Variants in LONRF2 observed in about 807,000 individuals in gnomAD.
LONRF2 encodes the protein LON peptidase N-terminal domain and RING finger protein 2.
LONRF2 carries 35 observed loss-of-function variants against 66.6 expected under a neutral mutation model. That is an observed-to-expected ratio of 0.53 (90% CI 0.40 to 0.70). The LOEUF is 0.70. Ranked by LOEUF, LONRF2 falls within the 30% of genes least tolerant of loss-of-function variation. The pLI, the probability that LONRF2 is intolerant of heterozygous loss-of-function variation, is 0.00. For missense variants in LONRF2, 902 were observed against 1,002.1 expected (o/e 0.90, Z 1.35); for synonymous variants, 417 against 418.1 (o/e 1.00, Z 0.03).
chr2:100,272,951 T>C lies in LONRF2; in HGVS notation c.*11347A>G, dbSNP rs1176273550. 6.6e-5 allele frequency among the ~76,000 whole-genome samples: 10 copies of C among 152,242 alleles called. No individual in the cohort carries two copies. The South Asian group carries it at 8.3e-4, about 13-fold the overall frequency. On this transcript the variant is annotated 3_prime_UTR_variant, in exon 12 of 12. Transcript: ENST00000393437. ...TTGAATACTGTTCCTCTAAAATTCA[T>C]GTCCACTAGAACCTGTGGATATAAC...
chr2:100,320,669 C>A (rs574545267), intron 1 of LONRF2, among the ~76,000 whole-genome samples: 11 of 152,260 alleles, frequency 7.2e-5, no homozygotes, highest in Admixed American at 6.5e-4. Context: ...CCTCACACTG[C>A]CCAAAACAAC....
chr2:100,309,107 C>T lies in LONRF2; in HGVS notation c.798G>A (p.Lys266=). The change falls in exon 2 of 12, where the codon AAG becomes AAA. Residue 266 remains lysine (K), a splice_region_variant and synonymous_variant. Transcript: ENST00000393437. ...CTCCAAAGCTAACAAATACAAATAC[C>T]TTAATCAAGAGAGGTTCATTCTGAC... ...AACQNEPLLI[K]GHQVKAQALS... 6.4e-7 allele frequency: 1 copy of T among 1,553,728 alleles called. No individual in the cohort carries two copies. The highest frequency in any genetic ancestry group is 8.7e-7 in the Non-Finnish European group (1 of 1,147,954).
chr2:100,321,342 C>T, intron 1 of LONRF2, 73 bp downstream of exon 1: 1 of 1,282,392 alleles, frequency 7.8e-7, no homozygotes, highest in Non-Finnish European at 1.0e-6. Flanking sequence ...CTCGGGCCCA[C>T]CGGCCAGCTC....
intron 1 of LONRF2, among the ~76,000 whole-genome samples, chr2:100,317,705 A>G (rs1675535724): frequency 6.6e-6 from 1 of 152,082 alleles, no homozygotes; most frequent in Non-Finnish European, 1.5e-5. Context: ...TGATTTTGTG[A>G]AAAATATTTT....
In LONRF2 at chr2:100,284,486, G is replaced by A. The variant is rs145836768; in HGVS notation, c.2077C>T (p.Pro693Ser). 1 of 1,579,772 alleles carries A rather than the reference G, an allele frequency of 6.3e-7. No homozygotes were observed. The highest frequency in any genetic ancestry group is 8.6e-7 in the Non-Finnish European group (1 of 1,163,338). The change falls in exon 12 of 12, where the codon CCC (proline) becomes TCC (serine). Residue 693 changes from proline (P) to serine (S), a missense_variant. By Grantham distance (74) the Pro-to-Ser change is moderately conservative (BLOSUM62 -1). Coordinates refer to ENST00000393437, the MANE Select transcript of LONRF2 (RefSeq NM_198461.4). ...PDREPEPQSNPSGPAWSWWIL... is the reference protein window; with the variant it reads ...PDREPEPQSNSSGPAWSWWIL... Reference sequence around the variant, plus strand: ...CACCAGGACCAGGCAGGGCCGCTGGGATTACTCTGCAAAAGAGATGAGGGG... The same window carrying A: ...CACCAGGACCAGGCAGGGCCGCTGGAATTACTCTGCAAAAGAGATGAGGGG...
chr2:100,321,518 C>T lies in LONRF2; in HGVS notation c.576G>A (p.Pro192=). The change falls in exon 1 of 12, where the codon CCG becomes CCA. Residue 192 remains proline, a synonymous_variant. Coordinates refer to ENST00000393437, the MANE Select transcript of LONRF2 (RefSeq NM_198461.4). ...VLSGLLEKCF[P]AECRLRRLAG... ...CCAGCCTGCGCAGCCGGCACTCGGC[C>T]GGGAAGCACTTCTCCAGCAGGCCGC... is the stretch of plus-strand genomic sequence containing the variant. 1 of 1,550,508 alleles carries T rather than the reference C, an allele frequency of 6.4e-7. No individual in the cohort carries two copies. The highest frequency in any genetic ancestry group is 8.6e-7 in the Non-Finnish European group (1 of 1,160,448).
rs761796001 is a variant in LONRF2 at position 100,290,430 on chromosome 2, C to A, written c.1758-10G>T. Reference sequence around the variant, plus strand: ...TCCATACTCTGAAAGCCTGAAAAGACAGTTAGGAGAAATGACTGTGATTTT... The same window carrying A: ...TCCATACTCTGAAAGCCTGAAAAGAAAGTTAGGAGAAATGACTGTGATTTT... On this transcript the variant is annotated splice_polypyrimidine_tract_variant and intron_variant, in intron 9 of 11. Transcript: ENST00000393437. 2.5e-6 allele frequency: 4 copies of A among 1,597,178 alleles called. No individual in the cohort carries two copies. The highest frequency in any genetic ancestry group is 3.4e-6 in the Non-Finnish European group (4 of 1,172,724).
At chr2:100,291,877 C>T (rs534517699) in intron 9 of LONRF2, among the ~76,000 whole-genome samples, 7 of 152,170 alleles carry the variant, frequency 4.6e-5, no homozygotes, top group Non-Finnish European at 1.0e-4. Context: ...CACGCTACCA[C>T]GTGCCAAGCA....
In LONRF2 at chr2:100,309,187, A is replaced by T. The variant is rs1275953537; in HGVS notation, c.718T>A (p.Leu240Ile). The change falls in exon 2 of 12, where the codon TTA (leucine) becomes ATA (isoleucine). Residue 240 changes from leucine to isoleucine, a missense_variant. By Grantham distance (5) the Leu-to-Ile change is conservative (BLOSUM62 2). Transcript: ENST00000393437. ...DNSLLLLRAE[L>I]YLTMKNYEQA... ...TCATAGTTCTTCATGGTCAAATATA[A>T]CTCCGCCCGCAGCAGCAATAATGAA... 1.9e-6 allele frequency: 3 copies of T among 1,609,078 alleles called. No homozygotes were observed. The East Asian group carries it at 6.7e-5, about 36-fold the overall frequency.
chr2:100,274,160 A>T lies in LONRF2; in HGVS notation c.*10138T>A, dbSNP rs183771811. ...GCGCCAACCAGCCGAGACTCATGAC[A>T]GTAAACTTCCTCAGGGTTCTCTATT... On this transcript the variant is annotated 3_prime_UTR_variant, in exon 12 of 12. Transcript: ENST00000393437. 6.6e-5 allele frequency: 10 copies of T among 152,294 alleles called. No homozygotes were observed. Among genetic ancestry groups the T allele is most frequent in the Admixed American group, 6.5e-4 (10 of 15,298 alleles). 9.4% of individuals were successfully genotyped at this position (152,294 alleles called of 1,614,324 possible). A position where few individuals can be genotyped will look rare whatever the true frequency, so the allele number is the denominator to read the frequency against.
In LONRF2 at chr2:100,274,508, C is replaced by T. The variant is rs529344736; in HGVS notation, c.*9790G>A. ...TTTCACATCTTGGGGACCTCACTGA[C>T]TGGGGAGAGACTGCCCTTCCCAGGG... On this transcript the variant is annotated 3_prime_UTR_variant, in exon 12 of 12. Transcript: ENST00000393437. The T allele has an allele frequency of 6.6e-6, 1 of 152,384 alleles. No homozygotes were observed. The highest frequency in any genetic ancestry group is 1.9e-4 in the East Asian group (1 of 5,186). 9.4% of individuals were successfully genotyped at this position (152,384 alleles called of 1,614,324 possible).
rs1430757882 is a variant in LONRF2, at chr2:100,276,010, C to T, written c.*8288G>A. 1 of 152,108 alleles carries T rather than the reference C, an allele frequency of 6.6e-6. No homozygotes were observed. Among genetic ancestry groups the T allele is most frequent in the African/African-American group, 2.4e-5 (1 of 41,386 alleles). The allele number at this position is 152,108 out of a possible 1,614,324, so 9.4% of individuals were successfully genotyped here. ...AATTGTACATGTATATGTACATATG[C>T]AGCTAAACGGAAGGTCCCTAATCTG... On this transcript the variant is annotated 3_prime_UTR_variant, in exon 12 of 12. Transcript: ENST00000393437.
chr2:100,287,116 A>G, intron 10 of LONRF2, 53 bp from the exon 11 acceptor site: 2 of 1,551,106 alleles, frequency 1.3e-6, no homozygotes, highest in Non-Finnish European at 1.7e-6. Context: ...AATGCACGTA[A>G]CACAGTCAGC....
chr2:100,305,025 C>T (rs1271913186), intron 2 of LONRF2, among the ~76,000 whole-genome samples: 8 of 152,050 alleles, frequency 5.3e-5, no homozygotes, highest in African/African-American at 1.2e-4. Context: ...TCATCCACTC[C>T]GGGATTTCTC....
rs1247780867 is a variant in LONRF2, at chr2:100,276,512, A to G, written c.*7786T>C. On this transcript the variant is annotated 3_prime_UTR_variant, in exon 12 of 12. Coordinates refer to ENST00000393437, the MANE Select transcript of LONRF2 (RefSeq NM_198461.4). The stretch of plus-strand genomic sequence containing the variant: ...AGTTATAAACTAGCTTGATAAAATG[A>G]TGCCCCATGGACCTCCAGTTAAAAC... The G allele has an allele frequency of 2.6e-5, 4 of 152,182 alleles. No individual in the cohort carries two copies. The highest frequency in any genetic ancestry group is 6.5e-5 in the Admixed American group (1 of 15,276). 9.4% of individuals were successfully genotyped at this position (152,182 alleles called of 1,614,324 possible).
chr2:100,300,176 TAC>T (rs1208629056), intron 4 of LONRF2, among the ~76,000 whole-genome samples: 4 of 150,010 alleles, frequency 2.7e-5, no homozygotes, highest in African/African-American at 5.0e-5. Flanking sequence ...TCTATCTATC[TAC>T]ACACACACAC....
chr2:100,289,831 C>T (rs1559175644), intron 10 of LONRF2, among the ~76,000 whole-genome samples: 1 of 152,246 alleles, frequency 6.6e-6, no homozygotes, highest in East Asian at 1.9e-4. Flanking sequence ...GGGGCTCATG[C>T]CTGTAGTCAC....
At chr2:100,296,665 A>G (rs1484992087) in intron 7 of LONRF2, among the ~76,000 whole-genome samples, 1 of 152,232 alleles carries the variant, frequency 6.6e-6, no homozygotes, top group Non-Finnish European at 1.5e-5. Context: ...ATGTTTGAGA[A>G]CCACCATCAC....
rs1194949660 is a variant in LONRF2, at chr2:100,280,074, C to T, written c.*4224G>A. On this transcript the variant is annotated 3_prime_UTR_variant, in exon 12 of 12. Transcript: ENST00000393437. ...TGCAAATTCGAGTTTATGTCCCCAACTTGGGGGAGTGCAATGGTGGCACTT... is the reference window on the plus strand; with the variant it reads ...TGCAAATTCGAGTTTATGTCCCCAATTTGGGGGAGTGCAATGGTGGCACTT... The T allele has an allele frequency of 1.3e-5, 2 of 152,210 alleles. No individual in the cohort carries two copies. Among genetic ancestry groups the T allele is most frequent in the Admixed American group, 1.3e-4 (2 of 15,278 alleles). The allele number at this position is 152,210 out of a possible 1,614,324, so 9.4% of individuals were successfully genotyped here.
Sources: allele counts gnomAD v4.1 joint callset (sites outside exome capture counted in the v4.1 genomes callset), GRCh38; gene constraint gnomAD v4.1.1; transcripts MANE v1.5; gene names NCBI Gene and HGNC (gene_info 2026-07-23, HGNC 2026-07-21).